The following EPHA6 variants were observed in gnomAD, a reference collection of about 807,000 sequenced individuals.
The protein encoded by EPHA6 is ephrin type-A receptor 6.
A neutral mutation model predicts 112.0 loss-of-function variants in EPHA6; 50 were observed. The ratio of observed to expected loss-of-function variants is 0.45; its 90% confidence interval spans 0.36 to 0.56. The LOEUF is 0.56. Among genes scored for constraint, EPHA6 ranks in the 20% least tolerant of loss-of-function variants. The pLI, the probability that EPHA6 is intolerant of heterozygous loss-of-function variation, is 0.00. For synonymous variants in EPHA6, 529 were observed against 490.7 expected (o/e 1.08, Z -1.03); for missense variants, 1,280 against 1,417.4 (o/e 0.90, Z 1.56).
chr3:97,747,838 T>C (rs1290869167), intron 17 of EPHA6, among the ~76,000 whole-genome samples: 1 of 152,102 alleles, frequency 6.6e-6, no homozygotes, highest in East Asian at 1.9e-4. Context: ...ATAGACTTTA[T>C]GTCAACTTAA....
intron 12 of EPHA6, among the ~76,000 whole-genome samples, chr3:97,602,176 T>C (rs927154456): frequency 1.3e-5 from 2 of 152,042 alleles, no homozygotes; most frequent in Admixed American, 1.3e-4. Flanking sequence ...TTAAGCCAAA[T>C]TTGAGAATAT....
In EPHA6 at chr3:97,761,381, A is replaced by G. The variant is rs540452055; in HGVS notation, c.*12680A>G. On this transcript the variant is annotated 3_prime_UTR_variant, in exon 18 of 18. Coordinates refer to ENST00000389672, the MANE Select transcript of EPHA6 (RefSeq NM_001080448.3). ...TAGCAAACTACCTGCTGAGCAACAT[A>G]ATAAGATTTTTGTACAAGGTACAAA... is the stretch of plus-strand genomic sequence containing the variant. The G allele has an allele frequency of 5.4e-6, 1 of 184,748 alleles. No individual in the cohort carries two copies. Among genetic ancestry groups the G allele is most frequent in the South Asian group, 2.0e-4 (1 of 5,098 alleles). The allele number at this position is 184,748 out of a possible 1,614,324, so 11.4% of individuals were successfully genotyped here. A position where few individuals can be genotyped will look rare whatever the true frequency, so the allele number is the denominator to read the frequency against.
chr3:97,242,291 A>T (rs1201998438), intron 4 of EPHA6, among the ~76,000 whole-genome samples: 1 of 151,780 alleles, frequency 6.6e-6, no homozygotes, highest in South Asian at 2.1e-4. Flanking sequence ...CTCCCTCTGC[A>T]GTCTAGCCAC....
chr3:97,178,908 G>A (rs553505962), intron 3 of EPHA6, among the ~76,000 whole-genome samples: 1 of 152,100 alleles, frequency 6.6e-6, no homozygotes. Context: ...AAAGTTCTCT[G>A]TTATTATTCC....
At chr3:96,851,530 A>G (rs1483894880) in intron 1 of EPHA6, among the ~76,000 whole-genome samples, 1 of 152,160 alleles carries the variant, frequency 6.6e-6, no homozygotes, top group Non-Finnish European at 1.5e-5. Context: ...AAGGTCCCTA[A>G]ACATATGAAA....
chr3:97,715,985 G>A (rs2034198936), intron 14 of EPHA6, among the ~76,000 whole-genome samples: 1 of 152,170 alleles, frequency 6.6e-6, no homozygotes, highest in Non-Finnish European at 1.5e-5. Context: ...TAGTAAATGA[G>A]AAGCCATTTG....
chr3:97,064,711 A>C (rs1054818136), intron 3 of EPHA6, among the ~76,000 whole-genome samples: 6 of 152,124 alleles, frequency 3.9e-5, no homozygotes, highest in African/African-American at 1.4e-4. Flanking sequence ...AATGTCCTTT[A>C]AGTCGGGAGT....
chr3:97,230,128 G>A (rs577426613), intron 4 of EPHA6, among the ~76,000 whole-genome samples: 91 of 152,148 alleles, frequency 6.0e-4, no homozygotes, highest in Middle Eastern at 6.8e-3. Context: ...ACCTATGTAG[G>A]AAACTGAATG....
intron 11 of EPHA6, 22 bp from the exon 12 acceptor site, chr3:97,592,590 G>A: frequency 6.2e-7 from 1 of 1,612,264 alleles, no homozygotes; most frequent in Non-Finnish European, 8.5e-7. Context: ...TTTGATTAAT[G>A]TCAATTTTTA....
chr3:97,251,628 G>T (rs1197122140), intron 5 of EPHA6, among the ~76,000 whole-genome samples: 2 of 152,170 alleles, frequency 1.3e-5, no homozygotes, highest in Non-Finnish European at 2.9e-5. Flanking sequence ...TATTTCAATT[G>T]CAAAGATTGA....
intron 2 of EPHA6, among the ~76,000 whole-genome samples, chr3:96,967,352 T>A (rs1271084977): frequency 6.6e-6 from 1 of 151,352 alleles, no homozygotes; most frequent in Non-Finnish European, 1.5e-5. Flanking sequence ...TTTTGTTTTA[T>A]AATTAAATTT....
intron 5 of EPHA6, among the ~76,000 whole-genome samples, chr3:97,273,103 G>C (rs2079948640): frequency 6.6e-6 from 1 of 152,114 alleles, no homozygotes; most frequent in Admixed American, 6.6e-5. Context: ...AATTATTGGT[G>C]ATGGCCTGGA....
intron 4 of EPHA6, among the ~76,000 whole-genome samples, chr3:97,230,942 C>T (rs2078506761): frequency 6.6e-6 from 1 of 152,122 alleles, no homozygotes; most frequent in African/African-American, 2.4e-5. Flanking sequence ...GATACACTTA[C>T]AAATGGAGAT....
intron 8 of EPHA6, among the ~76,000 whole-genome samples, chr3:97,478,791 A>G (rs2091448020): frequency 6.6e-6 from 1 of 152,132 alleles, no homozygotes; most frequent in Non-Finnish European, 1.5e-5. Flanking sequence ...CCATCAAATC[A>G]TATGGATGTT....
chr3:96,995,350 A>G (rs2043381558), intron 3 of EPHA6, among the ~76,000 whole-genome samples: 1 of 152,104 alleles, frequency 6.6e-6, no homozygotes, highest in South Asian at 2.1e-4. Flanking sequence ...GGGCAGATTT[A>G]TTGGCTCAGG....
intron 16 of EPHA6, chr3:97,745,564 G>A: frequency 4.2e-6 from 1 of 238,616 alleles, no homozygotes; most frequent in South Asian, 4.4e-5. Context: ...CAATCACAAG[G>A]TATATGCATT....
At chr3:97,170,539 C>G (rs2076670380) in intron 3 of EPHA6, among the ~76,000 whole-genome samples, 1 of 152,004 alleles carries the variant, frequency 6.6e-6, no homozygotes, top group Non-Finnish European at 1.5e-5. Context: ...GAGCTCGAGA[C>G]CAGCATGGCT....
At chr3:97,603,521 T>C (rs1272243348) in intron 12 of EPHA6, among the ~76,000 whole-genome samples, 1 of 151,846 alleles carries the variant, frequency 6.6e-6, no homozygotes, top group Non-Finnish European at 1.5e-5. Context: ...TGAAATAAAT[T>C]AAGGGGGAAA....
At chr3:97,124,554 C>T (rs1485174660) in intron 3 of EPHA6, among the ~76,000 whole-genome samples, 3 of 151,950 alleles carry the variant, frequency 2.0e-5, no homozygotes, top group African/African-American at 7.3e-5. Context: ...CCTAGTCTTG[C>T]TTTCACCACT....
Sources: allele counts gnomAD v4.1 joint callset (sites outside exome capture counted in the v4.1 genomes callset), GRCh38; gene constraint gnomAD v4.1.1; transcripts MANE v1.5; gene names NCBI Gene and HGNC (gene_info 2026-07-23, HGNC 2026-07-21).